RIMS2: variants seen among roughly 807,000 people sequenced by gnomAD.
RIMS2 encodes the protein regulating synaptic membrane exocytosis protein 2.
In RIMS2, 59 loss-of-function variants were observed where a neutral mutation model predicts 174.4. That is an observed-to-expected ratio of 0.34 (90% CI 0.27 to 0.42). RIMS2 has a LOEUF of 0.42. RIMS2 is among the 10% of genes least tolerant of loss of function. The pLI, the probability that RIMS2 is intolerant of heterozygous loss-of-function variation, is 1.00. For synonymous variants in RIMS2, 606 were observed against 572.5 expected, an observed-to-expected ratio of 1.06 and a Z score of -0.84; for missense variants, 1,620 against 1,666.3, an observed-to-expected ratio of 0.97 and a Z score of 0.48.
At chr8:104,106,495 A>C (rs2131438796) in intron 19 of RIMS2, among the ~76,000 whole-genome samples, 1 of 152,270 alleles carries the variant, frequency 6.6e-6, no homozygotes, top group Admixed American at 6.5e-5. Context: ...ACTATTGATT[A>C]ATTTGCAGGT....
intron 19 of RIMS2, among the ~76,000 whole-genome samples, chr8:104,109,554 T>C (rs1287181397): frequency 6.6e-6 from 1 of 152,074 alleles, no homozygotes; most frequent in African/African-American, 2.4e-5. Flanking sequence ...CACTTAACAC[T>C]TTCTGGCACA....
chr8:103,720,991 T>A (rs906660403), intron 2 of RIMS2, among the ~76,000 whole-genome samples: 4 of 152,204 alleles, frequency 2.6e-5, no homozygotes, highest in African/African-American at 9.6e-5. Flanking sequence ...TCAGTTGTAA[T>A]CCCCAGTGTT....
chr8:103,652,495 A>C, intron 1 of RIMS2, 129 bp from the exon 3 acceptor site: 1 of 454,456 alleles, frequency 2.2e-6, no homozygotes, highest in Non-Finnish European at 3.9e-6. Flanking sequence ...TGCCTGGATG[A>C]TAATTGGAGC....
At chr8:103,901,524 A>T (rs2099327760) in intron 4 of RIMS2, among the ~76,000 whole-genome samples, 1 of 152,132 alleles carries the variant, frequency 6.6e-6, no homozygotes, top group Non-Finnish European at 1.5e-5. Flanking sequence ...TATGCTTCCA[A>T]AGAAATCTAT....
chr8:104,148,818 A>C, intron 19 of RIMS2: 1 of 1,598,392 alleles, frequency 6.3e-7, no homozygotes, highest in Non-Finnish European at 8.5e-7. Flanking sequence ...GTCACGGAAA[A>C]GTCGCAGTGC....
intron 19 of RIMS2, among the ~76,000 whole-genome samples, chr8:104,054,676 A>C (rs1257530758): frequency 6.6e-6 from 1 of 152,132 alleles, no homozygotes; most frequent in African/African-American, 2.4e-5. Context: ...ACTTTCACAA[A>C]TCCTTCTTAT....
intron 3 of RIMS2, among the ~76,000 whole-genome samples, chr8:103,812,331 G>GTTTTTT (rs71575985): frequency 0.022 from 2,460 of 110,984 alleles, 61 homozygotes; most frequent in East Asian, 0.034. Flanking sequence ...TTATTACCTT[G>GTTTTTT]TTTTTTTTTT....
chr8:104,136,878 T>C (rs2098525252), intron 19 of RIMS2, among the ~76,000 whole-genome samples: 1 of 152,042 alleles, frequency 6.6e-6, no homozygotes, highest in South Asian at 2.1e-4. Flanking sequence ...AATGAGATAA[T>C]CTGTGCAACA....
At chr8:103,568,788 G>T in intron 1 of RIMS2, 1 of 1,145,158 alleles carries the variant, frequency 8.7e-7, no homozygotes, top group Non-Finnish European at 1.3e-6. Context: ...AATGTCTTTT[G>T]CTGTTTGTGC....
chr8:103,918,428 TTA>T lies in RIMS2; in HGVS notation c.2037-12_2037-11del. The T allele has an allele frequency of 6.6e-7, 1 of 1,523,904 alleles. No homozygotes were observed. The highest frequency in any genetic ancestry group is 8.8e-7 in the Non-Finnish European group (1 of 1,130,540). The allele number at this position is 1,523,904 out of a possible 1,614,324, so 94.4% of individuals were successfully genotyped here. A position where few individuals can be genotyped will look rare whatever the true frequency, so the allele number is the denominator to read the frequency against. ...ACAGTTTCTGTCTTTCTTTTTTTTT[TTA>T]ATCATTTCAGAGATATACCGCGAAT... On this transcript the variant is annotated splice_polypyrimidine_tract_variant and intron_variant, in intron 8 of 23. Coordinates refer to ENST00000504942, the Ensembl canonical transcript of RIMS2.
chr8:104,160,427 T>C (rs2098754095), intron 19 of RIMS2, among the ~76,000 whole-genome samples: 1 of 152,222 alleles, frequency 6.6e-6, no homozygotes. Flanking sequence ...ATATTGATGT[T>C]TTGAAGCTAT....
In RIMS2 at chr8:104,102,853, G is replaced by A. The variant is rs1387711612; in HGVS notation, c.3334+88238G>A. 2.0e-5 allele frequency among the ~76,000 whole-genome samples: 3 copies of A among 152,228 alleles called. No homozygotes were observed. In the South Asian group the frequency reaches 6.2e-4, roughly 32 times the overall value. ...CCTCCAATGACACATGGGGATTATG[G>A]GAGCTATGATTCAAAATGAGGTTTG... On this transcript the variant is annotated intron_variant, in intron 19 of 23. Coordinates refer to ENST00000504942, the Ensembl canonical transcript of RIMS2.
At chr8:103,924,963 C>T (rs1340255121) in intron 10 of RIMS2, among the ~76,000 whole-genome samples, 1 of 151,536 alleles carries the variant, frequency 6.6e-6, no homozygotes, top group Non-Finnish European at 1.5e-5. Flanking sequence ...TGTTTGTTAG[C>T]ATTTTCACTG....
At chr8:103,651,788 C>T (rs949169664) in intron 1 of RIMS2, among the ~76,000 whole-genome samples, 2 of 151,486 alleles carry the variant, frequency 1.3e-5, no homozygotes, top group African/African-American at 2.4e-5. Context: ...AAAATACATT[C>T]GTAAAACTCT....
chr8:103,645,736 A>G (rs1449483007), intron 1 of RIMS2, among the ~76,000 whole-genome samples: 3 of 152,122 alleles, frequency 2.0e-5, no homozygotes, highest in Non-Finnish European at 4.4e-5. Context: ...AGTGATCTAT[A>G]TTGGGCCAGT....
At chr8:103,997,274 A>G (rs1188861294) in intron 17 of RIMS2, among the ~76,000 whole-genome samples, 2 of 151,852 alleles carry the variant, frequency 1.3e-5, no homozygotes, top group Non-Finnish European at 3.0e-5. Context: ...AGGGAATAAT[A>G]AATGAAGCAA....
chr8:103,720,291 T>A (rs184624567), intron 2 of RIMS2, among the ~76,000 whole-genome samples: 1 of 152,196 alleles, frequency 6.6e-6, no homozygotes, highest in Admixed American at 6.5e-5. Flanking sequence ...GTTATTCTCA[T>A]ATAGAGTTGC....
exon 4 of RIMS2, chr8:103,885,476 T>C (rs1441666225): frequency 1.2e-6 from 2 of 1,612,560 alleles, no homozygotes; most frequent in Non-Finnish European, 1.7e-6. Flanking sequence ...TCATTTAAGT[T>C]ATAGGGACTC....
At chr8:103,881,192 A>C (rs1024786472) in intron 3 of RIMS2, among the ~76,000 whole-genome samples, 1 of 151,562 alleles carries the variant, frequency 6.6e-6, no homozygotes, top group African/African-American at 2.4e-5. Context: ...CAAATTTTGC[A>C]CTGTATGTCC....
Sources: gnomAD v4.1 joint callset for allele counts (sites outside exome capture counted in the v4.1 genomes callset) on GRCh38, gnomAD v4.1.1 for gene constraint, MANE v1.5 for transcripts, NCBI Gene and HGNC (gene_info 2026-07-23, HGNC 2026-07-21) for gene names.